Variants in THSD7A observed in about 807,000 individuals in gnomAD.
THSD7A encodes thrombospondin type 1 domain containing 7A.
A neutral mutation model predicts 231.3 loss-of-function variants in THSD7A; 96 were observed. That is an observed-to-expected ratio of 0.41 (90% CI 0.35 to 0.49). THSD7A has a LOEUF of 0.49. THSD7A is among the 20% of genes least tolerant of loss of function. The pLI, the probability that THSD7A is intolerant of heterozygous loss-of-function variation, is 0.05. For missense variants in THSD7A, 2,290 were observed against 2,070.2 expected (o/e 1.11, Z -2.06); for synonymous variants, 940 against 743.3 (o/e 1.26, Z -4.30).
rs765889121 is a variant in THSD7A, at chr7:11,447,446, G to C, written c.2606-22C>G. The C allele has an allele frequency of 4.0e-6, 6 of 1,493,566 alleles. No individual in the cohort carries two copies. In the East Asian group the frequency reaches 9.6e-5, roughly 24 times the overall value. 92.5% of individuals were successfully genotyped at this position (1,493,566 alleles called of 1,614,324 possible). ...ATGGCTAAAAGAAAAGCATAAAGCT[G>C]TTATAACAAATTCAAACGTCTAATT... On this transcript the variant is annotated intron_variant, in intron 11 of 27. Transcript: ENST00000423059.
intron 6 of THSD7A, among the ~76,000 whole-genome samples, chr7:11,512,976 G>A (rs1442123134): frequency 2.6e-5 from 2 of 75,506 alleles, no homozygotes; most frequent in African/African-American, 1.2e-4. Context: ...ATACTACTCA[G>A]CCATAAAAAG....
intron 1 of THSD7A, among the ~76,000 whole-genome samples, chr7:11,797,649 C>G (rs976279565): frequency 6.6e-6 from 1 of 151,784 alleles, no homozygotes; most frequent in Non-Finnish European, 1.5e-5. Context: ...AAACTTCTGG[C>G]CTTAAGCAAT....
At chr7:11,453,640 A>C (rs1468867619) in intron 11 of THSD7A, among the ~76,000 whole-genome samples, 1 of 152,056 alleles carries the variant, frequency 6.6e-6, no homozygotes, top group Non-Finnish European at 1.5e-5. Flanking sequence ...TCTAATCTAC[A>C]GCAAGTACAC....
chr7:11,551,941 C>T (rs147222129), intron 4 of THSD7A, among the ~76,000 whole-genome samples: 12 of 152,132 alleles, frequency 7.9e-5, no homozygotes, highest in African/African-American at 2.9e-4. Flanking sequence ...ATGGAATCAA[C>T]CTAGATGCCC....
intron 1 of THSD7A, among the ~76,000 whole-genome samples, chr7:11,687,772 C>T (rs1375770563): frequency 2.0e-5 from 3 of 151,874 alleles, no homozygotes; most frequent in Non-Finnish European, 4.4e-5. Context: ...TCACTGATTA[C>T]ACACAGTGGC....
At position 11,819,576 on chromosome 7, in the gene THSD7A, C is replaced by T. The variant is rs142661117; in HGVS notation, c.190+12181G>A. Among the ~76,000 whole-genome samples the T allele has an allele frequency of 1.4e-3, 210 of 152,214 alleles. 1 individual carries two copies. Among genetic ancestry groups the T allele is most frequent in the African/African-American group, 4.8e-3 (201 of 41,544 alleles). On this transcript the variant is annotated intron_variant, in intron 1 of 27. Coordinates refer to ENST00000423059, the MANE Select transcript of THSD7A (RefSeq NM_015204.3). Reference sequence around the variant, plus strand: ...GATGCCCAACTGAAAAGGCTACATACGGTATGATTCCAACTATATAACGTT... The same window carrying T: ...GATGCCCAACTGAAAAGGCTACATATGGTATGATTCCAACTATATAACGTT...
At chr7:11,435,662 C>T (rs961224670) in intron 13 of THSD7A, among the ~76,000 whole-genome samples, 3 of 152,054 alleles carry the variant, frequency 2.0e-5, no homozygotes, top group Non-Finnish European at 2.9e-5. Context: ...CAGATGCCCC[C>T]TCACCTCAGC....
intron 13 of THSD7A, among the ~76,000 whole-genome samples, chr7:11,440,226 C>T (rs926315638): frequency 6.6e-6 from 1 of 151,818 alleles, no homozygotes; most frequent in Non-Finnish European, 1.5e-5. Context: ...ACCTACTGCT[C>T]AGAAAAAAAG....
In THSD7A at chr7:11,406,609, C is replaced by T. The variant is rs565034021; in HGVS notation, c.4063-135G>A. On this transcript the variant is annotated intron_variant, in intron 21 of 27. Coordinates refer to ENST00000423059, the MANE Select transcript of THSD7A (RefSeq NM_015204.3). The surrounding 1 kb of genome is among the most constrained non-coding windows in gnomAD (Gnocchi z 4.7). ...AGGATTTGAAACCCTAGGGAAGAAG[C>T]CCTATAGGGCACTAGCAATAAAGCA... 7.2e-6 allele frequency: 7 copies of T among 971,230 alleles called. No homozygotes were observed. In the African/African-American group the frequency reaches 1.2e-4, roughly 16 times the overall value. 60.2% of individuals were successfully genotyped at this position (971,230 alleles called of 1,614,324 possible). A position where few individuals can be genotyped will look rare whatever the true frequency, so the allele number is the denominator to read the frequency against.
chr7:11,818,254 A>G (rs948281593), intron 1 of THSD7A, among the ~76,000 whole-genome samples: 3 of 152,244 alleles, frequency 2.0e-5, no homozygotes, highest in Non-Finnish European at 4.4e-5. Context: ...AAAGCCCTGT[A>G]TTGGCCACAT....
intron 4 of THSD7A, among the ~76,000 whole-genome samples, chr7:11,548,717 A>C (rs1283742851): frequency 1.3e-5 from 2 of 152,134 alleles, no homozygotes; most frequent in African/African-American, 2.4e-5. Context: ...TACACAAATA[A>C]ATATGATTCA....
intron 1 of THSD7A, among the ~76,000 whole-genome samples, chr7:11,708,749 T>C (rs933822831): frequency 6.6e-6 from 1 of 150,856 alleles, no homozygotes. Flanking sequence ...ATTTCTTGTA[T>C]TATGATCCAA....
chr7:11,383,666 T>C (rs1339453847), intron 23 of THSD7A: 2 of 151,474 alleles, frequency 1.3e-5, no homozygotes, highest in African/African-American at 2.4e-5. Context: ...CTTGTCATTT[T>C]AAATTAAAGT....
intron 6 of THSD7A, among the ~76,000 whole-genome samples, chr7:11,515,824 G>A (rs1359961729): frequency 6.6e-6 from 1 of 152,056 alleles, no homozygotes; most frequent in African/African-American, 2.4e-5. Context: ...TACTATCCAG[G>A]GATATAAGCT....
intron 1 of THSD7A, among the ~76,000 whole-genome samples, chr7:11,649,000 T>C (rs139697950): frequency 6.6e-6 from 1 of 152,054 alleles, no homozygotes; most frequent in Non-Finnish European, 1.5e-5. Context: ...CTGCTGTTCA[T>C]GCCTTTTTAT....
At chr7:11,782,370 T>C (rs1783659496) in intron 1 of THSD7A, among the ~76,000 whole-genome samples, 1 of 152,096 alleles carries the variant, frequency 6.6e-6, no homozygotes. Context: ...GATGTCGTTA[T>C]TGCAAAAGAT....
At chr7:11,568,624 CAAAAAAAAAAAA>C (rs33930587) in intron 4 of THSD7A, among the ~76,000 whole-genome samples, 11 of 49,002 alleles carry the variant, frequency 2.2e-4, no homozygotes, top group African/African-American at 5.6e-4. Context: ...AACTCCGTCT[CAAAAAAAAAAAA>C]AAAAAAAAAA....
intron 6 of THSD7A, among the ~76,000 whole-genome samples, chr7:11,491,950 T>G (rs1408788643): frequency 6.6e-6 from 1 of 152,038 alleles, no homozygotes; most frequent in Non-Finnish European, 1.5e-5. Flanking sequence ...CTCACACTTT[T>G]TTCTCTGAGG....
intron 1 of THSD7A, among the ~76,000 whole-genome samples, chr7:11,638,321 T>C (rs536509217): frequency 2.6e-4 from 40 of 152,348 alleles, no homozygotes; most frequent in African/African-American, 9.6e-4. Flanking sequence ...TTCTGGATTT[T>C]AGATTCCAGT....
Sources: gnomAD v4.1 joint callset for allele counts (sites outside exome capture counted in the v4.1 genomes callset) on GRCh38, gnomAD v4.1.1 for gene constraint, Gnocchi (gnomAD v3.1) non-coding constraint, MANE v1.5 for transcripts, NCBI Gene and HGNC (gene_info 2026-07-23, HGNC 2026-07-21) for gene names.